The following CPQ variants were observed in gnomAD, a reference collection of about 807,000 sequenced individuals.
The protein encoded by CPQ is Ser-Met dipeptidase.
A neutral mutation model predicts 45.7 loss-of-function variants in CPQ; 37 were observed. The ratio of observed to expected loss-of-function variants is 0.81; its 90% CI spans 0.62 to 1.07. The LOEUF is 1.07. CPQ is among the 50% of genes least tolerant of loss of function. CPQ has a pLI of 0.00. For synonymous variants in CPQ, 186 were observed against 205.8 expected (o/e 0.90, Z 0.82); for missense variants, 537 against 572.9 (o/e 0.94, Z 0.64).
intron 5 of CPQ, among the ~76,000 whole-genome samples, chr8:96,986,866 G>C (rs1042771306): frequency 3.9e-5 from 6 of 152,116 alleles, no homozygotes; most frequent in Non-Finnish European, 2.9e-5. Flanking sequence ...GGGAGAAAAA[G>C]GCATTAAGTG....
At chr8:97,122,008 G>A (rs76738337) in intron 7 of CPQ, among the ~76,000 whole-genome samples, 21 of 152,132 alleles carry the variant, frequency 1.4e-4, no homozygotes, top group African/African-American at 4.8e-4. Context: ...TAAGAACAGA[G>A]TCTCATTTTT....
intron 1 of CPQ, among the ~76,000 whole-genome samples, chr8:96,677,113 C>T (rs915136627): frequency 6.6e-6 from 1 of 152,022 alleles, no homozygotes; most frequent in African/African-American, 2.4e-5. Flanking sequence ...TTTGCAATTG[C>T]AAATTGTGCT....
intron 5 of CPQ, among the ~76,000 whole-genome samples, chr8:96,979,967 T>G (rs1438345987): frequency 6.6e-6 from 1 of 152,136 alleles, no homozygotes; most frequent in Non-Finnish European, 1.5e-5. Context: ...TTTTCAACCT[T>G]TAAGTCCTCC....
chr8:96,823,749 T>C (rs775725968), intron 2 of CPQ, among the ~76,000 whole-genome samples: 2 of 152,034 alleles, frequency 1.3e-5, no homozygotes, highest in African/African-American at 4.8e-5. Flanking sequence ...ATTATAGGGC[T>C]GTCGAGAGAA....
chr8:97,100,889 GA>G lies in CPQ; in HGVS notation c.1255+34685del, dbSNP rs1811292545. On this transcript the variant is annotated intron_variant, in intron 7 of 7. Coordinates refer to ENST00000220763, the MANE Select transcript of CPQ (RefSeq NM_016134.4). ...TGGATAATTTCAAAATAGTACAAGGGAAAAAATTATTTTAGTACTCCTAAGT... is the reference window on the plus strand; with the variant it reads ...TGGATAATTTCAAAATAGTACAAGGGAAAAATTATTTTAGTACTCCTAAGT... 4.6e-5 allele frequency among the ~76,000 whole-genome samples: 7 copies of G among 152,080 alleles called. No homozygotes were observed. The South Asian group carries it at 1.5e-3, about 32-fold the overall frequency.
chr8:97,042,392 C>T (rs1218726284), intron 6 of CPQ, among the ~76,000 whole-genome samples: 1 of 151,950 alleles, frequency 6.6e-6, no homozygotes, highest in Non-Finnish European at 1.5e-5. Context: ...CTTTATTAGT[C>T]TTGCTAGCAG....
chr8:97,039,758 T>G (rs966186609), intron 6 of CPQ, among the ~76,000 whole-genome samples: 1 of 152,096 alleles, frequency 6.6e-6, no homozygotes, highest in African/African-American at 2.4e-5. Context: ...CTTGCGATAG[T>G]TTACTGAGAA....
chr8:97,130,841 TA>T (rs1811941783), intron 7 of CPQ, among the ~76,000 whole-genome samples: 1 of 152,184 alleles, frequency 6.6e-6, no homozygotes, highest in Admixed American at 6.5e-5. Flanking sequence ...ATGGTTTGCC[TA>T]TTCATTCCCT....
chr8:97,078,763 TTCTCTCTC>T (rs749278181), intron 7 of CPQ, among the ~76,000 whole-genome samples: 10,121 of 100,380 alleles, frequency 0.1, 411 homozygotes, highest in South Asian at 0.13. Context: ...TCATTTCCAT[TTCTCTCTC>T]TCTCTCTCTC....
chr8:96,688,211 C>G (rs1809258899), intron 1 of CPQ, among the ~76,000 whole-genome samples: 1 of 152,126 alleles, frequency 6.6e-6, no homozygotes, highest in African/African-American at 2.4e-5. Context: ...TTTCATTGAA[C>G]ATATACTATG....
At chr8:97,023,009 C>CTGTATATAG (rs1169894238) in intron 5 of CPQ, among the ~76,000 whole-genome samples, 2,110 of 143,608 alleles carry the variant, frequency 0.015, 120 homozygotes, top group East Asian at 0.11. Context: ...TATATATATA[C>CTGTATATAG]TATATATAGT....
intron 3 of CPQ, among the ~76,000 whole-genome samples, chr8:96,837,974 T>A (rs901772874): frequency 6.6e-6 from 1 of 152,126 alleles, no homozygotes; most frequent in Non-Finnish European, 1.5e-5. Flanking sequence ...ACTAACACTT[T>A]TCCCACGCAC....
rs1361272809 is a variant in CPQ at position 97,041,744 on chromosome 8, A to G, written c.1053+12250A>G. On this transcript the variant is annotated intron_variant, in intron 6 of 7. Coordinates refer to ENST00000220763, the MANE Select transcript of CPQ (RefSeq NM_016134.4). Reference sequence around the variant, plus strand: ...CTTTTCTGCGTCTATTGAGATAATCATGTGGTTTTTGTCTTTGGTTCTGTT... The same window carrying G: ...CTTTTCTGCGTCTATTGAGATAATCGTGTGGTTTTTGTCTTTGGTTCTGTT... 3.3e-5 allele frequency among the ~76,000 whole-genome samples: 5 copies of G among 151,522 alleles called. No individual in the cohort carries two copies. The South Asian group carries it at 8.3e-4, about 25-fold the overall frequency.
chr8:96,779,101 G>A (rs942555154), intron 1 of CPQ, among the ~76,000 whole-genome samples: 5 of 149,612 alleles, frequency 3.3e-5, no homozygotes, highest in Non-Finnish European at 3.0e-5. Context: ...TTATTAATAC[G>A]AGTGACATAC....
At chr8:96,871,365 A>G (rs903046563) in intron 3 of CPQ, among the ~76,000 whole-genome samples, 1 of 151,990 alleles carries the variant, frequency 6.6e-6, no homozygotes. Context: ...ATGGGCTGGC[A>G]CTACAGAAAG....
At chr8:96,779,390 T>A (rs1810658101) in intron 1 of CPQ, among the ~76,000 whole-genome samples, 1 of 152,182 alleles carries the variant, frequency 6.6e-6, no homozygotes, top group South Asian at 2.1e-4. Context: ...CATTTGGGTA[T>A]TCCTCTTTGA....
chr8:96,784,400 G>T lies in CPQ; in HGVS notation c.-34-464G>T, dbSNP rs752905832. 1.2e-3 allele frequency among the ~76,000 whole-genome samples: 130 copies of T among 108,182 alleles called. 1 individual carries two copies. The highest frequency in any genetic ancestry group is 2.0e-3 in the Admixed American group (21 of 10,668). The allele number at this position is 108,182 out of a possible 152,430, so 71.0% of individuals were successfully genotyped here. ...GAAGAAGCAATTATTGTTCTGAGGT[G>T]GGGGGGGGGTTGGTAAAATTATCAA... is the stretch of plus-strand genomic sequence containing the variant. On this transcript the variant is annotated intron_variant, in intron 1 of 7. Transcript: ENST00000220763.
At chr8:96,662,688 A>G (rs1367481747) in intron 1 of CPQ, among the ~76,000 whole-genome samples, 1 of 152,188 alleles carries the variant, frequency 6.6e-6, no homozygotes, top group Non-Finnish European at 1.5e-5. Flanking sequence ...TGGTTTTTCA[A>G]AAATTATTAA....
At position 96,767,337 on chromosome 8, in the gene CPQ, G is replaced by T. The variant is rs991676568; in HGVS notation, c.-34-17527G>T. ...TGAAGATGGGCTTTTTGTCTTTCCA[G>T]TGAGACATCGGGAAATAAATCACAA... On this transcript the variant is annotated intron_variant, in intron 1 of 7. Transcript: ENST00000220763. Among the ~76,000 whole-genome samples the T allele has an allele frequency of 2.8e-4, 42 of 152,022 alleles. 1 individual carries two copies. Among genetic ancestry groups the T allele is most frequent in the African/African-American group, 9.7e-4 (40 of 41,402 alleles).
Sources: gnomAD v4.1 joint callset for allele counts (sites outside exome capture counted in the v4.1 genomes callset) on GRCh38, gnomAD v4.1.1 for gene constraint, MANE v1.5 for transcripts, NCBI Gene and HGNC (gene_info 2026-07-23, HGNC 2026-07-21) for gene names.